SLC9A9: variants seen among roughly 807,000 people sequenced by gnomAD.
SLC9A9 encodes the protein solute carrier family 9 member A9, also known as sodium/hydrogen exchanger 9.
In SLC9A9, 62 loss-of-function variants were observed where a neutral mutation model predicts 77.8. That is an observed-to-expected ratio of 0.80 (90% CI 0.65 to 0.98). The LOEUF (loss-of-function observed/expected upper bound fraction) is 0.98. Among genes scored for constraint, SLC9A9 ranks in the 50% least tolerant of loss-of-function variants. The probability of loss-of-function intolerance (pLI) is 0.00; values close to 1 mark genes in which losing one functional copy is unlikely to be tolerated. For synonymous variants in SLC9A9, 320 were observed against 283.5 expected (o/e 1.13, Z -1.29); for missense variants, 775 against 774.9 (o/e 1.00, Z 0.00).
chr3:143,721,489 G>A (rs74835557), intron 4 of SLC9A9, among the ~76,000 whole-genome samples: 2 of 126,960 alleles, frequency 1.6e-5, no homozygotes, highest in African/African-American at 6.0e-5. Flanking sequence ...TGGTGCCTGC[G>A]CAGGTGCAGG....
chr3:143,370,134 A>T (rs1467839599), intron 13 of SLC9A9, among the ~76,000 whole-genome samples: 1 of 152,216 alleles, frequency 6.6e-6, no homozygotes, highest in Non-Finnish European at 1.5e-5. Flanking sequence ...GTTTTAAGCC[A>T]CTATATTTTA....
intron 9 of SLC9A9, among the ~76,000 whole-genome samples, chr3:143,543,348 T>C (rs1024521917): frequency 6.6e-5 from 10 of 151,902 alleles, no homozygotes; most frequent in African/African-American, 2.4e-4. Flanking sequence ...CTAGTCACAG[T>C]GTGTTACCTC....
chr3:143,582,480 C>T (rs2037473478), intron 6 of SLC9A9, among the ~76,000 whole-genome samples: 1 of 152,160 alleles, frequency 6.6e-6, no homozygotes, highest in Admixed American at 6.5e-5. Flanking sequence ...CTCACAATAA[C>T]AACAGGGTGG....
At position 143,574,268 on chromosome 3, in the gene SLC9A9, G is replaced by C. The variant is rs1576585681; in HGVS notation, c.895-75C>G. On this transcript the variant is annotated intron_variant, in intron 7 of 15. Transcript: ENST00000316549. ...TCCTTCTTGGCTGAGAATAAAAACTGATCTGGTGATGATAGCTCTAGAGCA... is the reference window on the plus strand; with the variant it reads ...TCCTTCTTGGCTGAGAATAAAAACTCATCTGGTGATGATAGCTCTAGAGCA... The C allele has an allele frequency of 9.2e-6, 11 of 1,191,800 alleles. No individual in the cohort carries two copies. The East Asian group carries it at 2.2e-4, about 24-fold the overall frequency. The allele number at this position is 1,191,800 out of a possible 1,614,324, so 73.8% of individuals were successfully genotyped here. A position where few individuals can be genotyped will look rare whatever the true frequency, so the allele number is the denominator to read the frequency against.
intron 9 of SLC9A9, chr3:143,518,274 C>T (rs977108071): frequency 1.3e-5 from 18 of 1,417,308 alleles, no homozygotes; most frequent in Non-Finnish European, 1.8e-5. Context: ...AGCCCGGTTC[C>T]AGGCCCAGGC....
At chr3:143,479,328 C>A (rs775121350) in intron 11 of SLC9A9, among the ~76,000 whole-genome samples, 1 of 152,080 alleles carries the variant, frequency 6.6e-6, no homozygotes, top group Non-Finnish European at 1.5e-5. Flanking sequence ...TTCACTGCAG[C>A]CTCCCACTCC....
At chr3:143,363,339 C>A in intron 14 of SLC9A9, 145 bp downstream of exon 14, 2 of 759,980 alleles carry the variant, frequency 2.6e-6, no homozygotes, top group Non-Finnish European at 4.5e-6. Context: ...TTTATGAAAT[C>A]ATTCCTTTTT....
rs111901073 is a variant in SLC9A9 at position 143,517,167 on chromosome 3, T to C, written c.1090-21719A>G. The C allele has an allele frequency of 1.9e-3, 2,857 of 1,527,832 alleles. 40 individuals carry two copies. The African/African-American group carries it at 0.031, about 16-fold the overall frequency. 94.6% of individuals were successfully genotyped at this position (1,527,832 alleles called of 1,614,324 possible). A position where few individuals can be genotyped will look rare whatever the true frequency, so the allele number is the denominator to read the frequency against. On this transcript the variant is annotated intron_variant, in intron 9 of 15. Transcript: ENST00000316549. The stretch of plus-strand genomic sequence containing the variant: ...GCTGACAATTTACTGATGAGATTCA[T>C]AACCTTTGAGTTGCTCTGGTATTTT...
chr3:143,490,256 T>C (rs530625903), intron 11 of SLC9A9, among the ~76,000 whole-genome samples: 14 of 152,290 alleles, frequency 9.2e-5, no homozygotes, highest in South Asian at 6.2e-4. Flanking sequence ...ATAGCTAACA[T>C]GTGAAAGGAA....
chr3:143,726,249 A>AG (rs1934650548), intron 4 of SLC9A9, among the ~76,000 whole-genome samples: 1 of 70,116 alleles, frequency 1.4e-5, no homozygotes, highest in Non-Finnish European at 2.8e-5. Flanking sequence ...GAAATAAAAA[A>AG]AGAAAAAAAA....
intron 14 of SLC9A9, among the ~76,000 whole-genome samples, chr3:143,287,381 C>T (rs1448808011): frequency 6.6e-6 from 1 of 151,890 alleles, no homozygotes; most frequent in Non-Finnish European, 1.5e-5. Context: ...TCAAAAAGTG[C>T]TATGGACAAG....
chr3:143,297,107 C>T (rs916472629), intron 14 of SLC9A9, among the ~76,000 whole-genome samples: 3 of 152,194 alleles, frequency 2.0e-5, no homozygotes, highest in African/African-American at 7.2e-5. Flanking sequence ...AAACAAATGT[C>T]ATGAAAATAT....
intron 14 of SLC9A9, among the ~76,000 whole-genome samples, chr3:143,313,838 T>C (rs926421431): frequency 3.3e-5 from 5 of 152,272 alleles, no homozygotes; most frequent in Middle Eastern, 6.8e-3. Context: ...CTGCCACTCA[T>C]TGGAAGCACA....
chr3:143,370,626 CAAG>C (rs2033039083), intron 13 of SLC9A9, among the ~76,000 whole-genome samples: 2 of 149,626 alleles, frequency 1.3e-5, no homozygotes, highest in Non-Finnish European at 3.0e-5. Context: ...TTTCCTGGAA[CAAG>C]AAGATCCTGG....
At chr3:143,534,857 G>A (rs2036567733) in intron 9 of SLC9A9, among the ~76,000 whole-genome samples, 1 of 151,828 alleles carries the variant, frequency 6.6e-6, no homozygotes, top group African/African-American at 2.4e-5. Context: ...TGAAGTCATT[G>A]GGAAACTATA....
intron 6 of SLC9A9, among the ~76,000 whole-genome samples, chr3:143,610,412 G>T (rs981544256): frequency 2.6e-5 from 4 of 152,196 alleles, no homozygotes; most frequent in African/African-American, 9.6e-5. Flanking sequence ...CTCTCAAAGT[G>T]CTGGGATTAC....
Position 143,766,792 on chromosome 3 carries a change from T to C in SLC9A9, c.533+28209A>G, listed in dbSNP as rs543507513. Among the ~76,000 whole-genome samples, 228 of 152,326 alleles carry C rather than the reference T, an allele frequency of 1.5e-3. 1 individual carries two copies. The highest frequency in any genetic ancestry group is 2.8e-3 in the Non-Finnish European group (188 of 68,036). On this transcript the variant is annotated intron_variant, in intron 4 of 15. Transcript: ENST00000316549. The stretch of plus-strand genomic sequence containing the variant: ...TTTCCCTATGTTGGCCAGGCTGGTC[T>C]AGAACTCCTGACCTCAGGTAATCTG...
intron 6 of SLC9A9, among the ~76,000 whole-genome samples, chr3:143,612,518 A>T (rs2038038919): frequency 6.6e-6 from 1 of 152,234 alleles, no homozygotes; most frequent in Non-Finnish European, 1.5e-5. Flanking sequence ...TTCGGATGCC[A>T]GACCACCAAC....
chr3:143,439,338 G>A (rs74331985), intron 12 of SLC9A9, among the ~76,000 whole-genome samples: 1,588 of 152,334 alleles, frequency 0.01, 24 homozygotes, highest in African/African-American at 0.036. Context: ...TGCTTAGACT[G>A]CCTCTGAGCC....
Sources: gnomAD v4.1 joint callset for allele counts (sites outside exome capture counted in the v4.1 genomes callset) on GRCh38, gnomAD v4.1.1 for gene constraint, MANE v1.5 for transcripts, NCBI Gene and HGNC (gene_info 2026-07-23, HGNC 2026-07-21) for gene names.